HDAC4: variants seen among roughly 807,000 people sequenced by gnomAD.
HDAC4 encodes histone deacetylase A.
In HDAC4, 16 loss-of-function variants were observed where a neutral mutation model predicts 135.1. That is an observed-to-expected ratio of 0.12 (90% CI 0.08 to 0.18). The LOEUF is 0.18. HDAC4 is among the 10% of genes least tolerant of loss of function. The probability of loss-of-function intolerance (pLI) is 1.00; values close to 1 mark genes in which losing one functional copy is unlikely to be tolerated. For missense variants in HDAC4, 1,143 were observed against 1,511.8 expected, an observed-to-expected ratio of 0.76 and a Z score of 4.05; for synonymous variants, 685 against 653.4, an observed-to-expected ratio of 1.05 and a Z score of -0.74.
intron 2 of HDAC4, among the ~76,000 whole-genome samples, chr2:239,339,426 C>A (rs1692156794): frequency 6.6e-6 from 1 of 152,316 alleles, no homozygotes; most frequent in African/African-American, 2.4e-5. Flanking sequence ...CACAGAGCCA[C>A]CCCTGGGCAG....
At position 239,191,417 on chromosome 2, in the gene HDAC4, G is replaced by C. The variant is rs955040708; in HGVS notation, c.95-1340C>G. Among the ~76,000 whole-genome samples the C allele has an allele frequency of 2.6e-5, 4 of 152,314 alleles. No individual in the cohort carries two copies. The South Asian group carries it at 8.3e-4, about 32-fold the overall frequency. On this transcript the variant is annotated intron_variant, in intron 3 of 26. Transcript: ENST00000543185. ...TGCACTCCACAGTCTCAAAGCCACC[G>C]ATTTGGGTGAAACAGCCCATAGGTG...
intron 10 of HDAC4, 28 bp downstream of exon 10, chr2:239,134,499 C>T (rs372459246): frequency 6.2e-7 from 1 of 1,613,226 alleles, no homozygotes; most frequent in Non-Finnish European, 8.5e-7. Flanking sequence ...CCACCCCACA[C>T]CACACGGACC....
intron 3 of HDAC4, among the ~76,000 whole-genome samples, chr2:239,200,801 G>A (rs762082712): frequency 9.9e-5 from 15 of 152,160 alleles, no homozygotes; most frequent in African/African-American, 2.2e-4. Context: ...CGCCGTGCTC[G>A]GAGTGGCGTT....
At chr2:239,375,484 G>T (rs1010201776) in intron 1 of HDAC4, among the ~76,000 whole-genome samples, 1 of 152,108 alleles carries the variant, frequency 6.6e-6, no homozygotes, top group Non-Finnish European at 1.5e-5. Context: ...AGGCCTGAGC[G>T]TCCTCCATGC....
chr2:239,113,447 C>T (rs940148224), intron 13 of HDAC4, among the ~76,000 whole-genome samples: 7 of 152,228 alleles, frequency 4.6e-5, no homozygotes, highest in Middle Eastern at 3.2e-3. Context: ...CTCCCCGACG[C>T]GGGCTGGAGG....
At chr2:239,091,749 G>GT (rs1319081656) in intron 17 of HDAC4, 1 of 152,152 alleles carries the variant, frequency 6.6e-6, no homozygotes, top group Non-Finnish European at 1.5e-5. Context: ...TTCGGTGATG[G>GT]TTTTCTTTTC....
At chr2:239,364,958 G>A (rs1362517453) in intron 1 of HDAC4, among the ~76,000 whole-genome samples, 1 of 152,154 alleles carries the variant, frequency 6.6e-6, no homozygotes, top group African/African-American at 2.4e-5. Flanking sequence ...ATTTTAAATG[G>A]AGAAAAAACA....
chr2:239,102,954 CACAG>C, intron 15 of HDAC4, 58 bp from the exon 16 acceptor site: 1 of 1,608,702 alleles, frequency 6.2e-7, no homozygotes, highest in Middle Eastern at 1.7e-4. Flanking sequence ...GCTTCAGCTC[CACAG>C]ACAGAAACTC....
intron 2 of HDAC4, among the ~76,000 whole-genome samples, chr2:239,250,267 C>G (rs2048709352): frequency 6.6e-6 from 1 of 152,250 alleles, no homozygotes; most frequent in Non-Finnish European, 1.5e-5. Flanking sequence ...ACAGAGTCGG[C>G]CCCCAGGGGT....
At chr2:239,202,681 T>G (rs927416042) in intron 3 of HDAC4, among the ~76,000 whole-genome samples, 1 of 152,022 alleles carries the variant, frequency 6.6e-6, no homozygotes, top group African/African-American at 2.4e-5. Flanking sequence ...CCATGCAACA[T>G]GGAGAATCAC....
intron 4 of HDAC4, among the ~76,000 whole-genome samples, chr2:239,189,573 A>T (rs1396311407): frequency 6.6e-6 from 1 of 152,222 alleles, no homozygotes; most frequent in Non-Finnish European, 1.5e-5. Context: ...TTAGGCGATA[A>T]GCATTTTTCC....
chr2:239,183,276 A>G (rs2044268918), intron 4 of HDAC4, among the ~76,000 whole-genome samples: 1 of 152,260 alleles, frequency 6.6e-6, no homozygotes, highest in Non-Finnish European at 1.5e-5. Context: ...TAATATACAA[A>G]TATTCAAGTG....
chr2:239,137,543 G>T (rs1057215468), intron 9 of HDAC4, among the ~76,000 whole-genome samples: 11 of 152,150 alleles, frequency 7.2e-5, no homozygotes, highest in Non-Finnish European at 1.6e-4. Context: ...GGGTCCAGGG[G>T]GCCTTCAAGG....
intron 2 of HDAC4, among the ~76,000 whole-genome samples, chr2:239,275,181 C>T (rs542880398): frequency 1.6e-4 from 24 of 152,210 alleles, no homozygotes; most frequent in African/African-American, 5.5e-4. Context: ...CCCCGTGGGC[C>T]GAAGCCACCC....
chr2:239,070,093 T>C (rs2034018769), intron 22 of HDAC4, among the ~76,000 whole-genome samples: 1 of 151,552 alleles, frequency 6.6e-6, no homozygotes, highest in Non-Finnish European at 1.5e-5. Context: ...GACAATGCAC[T>C]TTCCACAGCT....
intron 2 of HDAC4, among the ~76,000 whole-genome samples, chr2:239,294,979 G>C (rs1473395680): frequency 6.6e-6 from 1 of 152,184 alleles, no homozygotes; most frequent in Non-Finnish European, 1.5e-5. Flanking sequence ...TTTAGTGCTA[G>C]GGAACAGCTG....
intron 2 of HDAC4, among the ~76,000 whole-genome samples, chr2:239,283,296 C>T (rs150290206): frequency 3.9e-5 from 6 of 152,332 alleles, no homozygotes; most frequent in East Asian, 3.9e-4. Flanking sequence ...CTCTGCATGA[C>T]GCTGGGTCTC....
intron 1 of HDAC4, among the ~76,000 whole-genome samples, chr2:239,390,889 C>G (rs1484398259): frequency 1.3e-5 from 2 of 152,218 alleles, no homozygotes; most frequent in Non-Finnish European, 1.5e-5. Context: ...TCATGCAAAT[C>G]AGAAGCAGTG....
rs1347464786 is a variant in HDAC4, at chr2:239,066,854, G to A, written c.2871C>T (p.Cys957=). 3 of 1,612,960 alleles carry A rather than the reference G, an allele frequency of 1.9e-6. No homozygotes were observed. The highest frequency in any genetic ancestry group is 2.5e-6 in the Non-Finnish European group (3 of 1,179,664). Reference sequence around the variant, plus strand: ...TCAGCTGCTTCGTCAGGTACCCGAAGCCTGCAACGGGAAACGGGAGACTGC... The same window carrying A: ...TCAGCTGCTTCGTCAGGTACCCGAAACCTGCAACGGGAAACGGGAGACTGC... ...PLGGYNLSAR[C]FGYLTKQLMG... is the part of the protein sequence containing the mutation. The change falls in exon 24 of 27, where the codon TGC becomes TGT. Residue 957 remains cysteine, a splice_region_variant and synonymous_variant. Transcript: ENST00000543185.
Sources: gnomAD v4.1 joint callset for allele counts (sites outside exome capture counted in the v4.1 genomes callset) on GRCh38, gnomAD v4.1.1 for gene constraint, MANE v1.5 for transcripts, NCBI Gene and HGNC (gene_info 2026-07-23, HGNC 2026-07-21) for gene names.